Variants in ANKS1B observed in about 807,000 individuals in gnomAD.
ANKS1B encodes the protein ankyrin repeat and sterile alpha motif domain containing 1B, also known as ankyrin repeat and sterile alpha motif domain-containing protein 1B.
In ANKS1B, 36 loss-of-function variants were observed where a neutral mutation model predicts 148.3. That is an observed-to-expected ratio of 0.24 (90% confidence interval 0.19 to 0.32). The LOEUF (loss-of-function observed/expected upper bound fraction) is 0.32, where lower values mean the gene tolerates loss of function less well. Among genes scored for constraint, ANKS1B ranks in the 10% least tolerant of loss-of-function variants. ANKS1B has a pLI of 1.00. For synonymous variants in ANKS1B, 542 were observed against 560.8 expected, an observed-to-expected ratio of 0.97 and a Z score of 0.47; for missense variants, 1,157 against 1,542.6, an observed-to-expected ratio of 0.75 and a Z score of 4.19.
At chr12:99,471,502 T>C (rs770389927) in intron 10 of ANKS1B, among the ~76,000 whole-genome samples, 13 of 152,110 alleles carry the variant, frequency 8.5e-5, no homozygotes, top group Non-Finnish European at 1.8e-4. Context: ...TAATTACTTA[T>C]GCTCAACATC....
chr12:99,490,405 A>C (rs1423259848), intron 10 of ANKS1B, among the ~76,000 whole-genome samples: 1 of 152,270 alleles, frequency 6.6e-6, no homozygotes, highest in East Asian at 1.9e-4. Flanking sequence ...CTGATGATAA[A>C]TGTGATGAAA....
intron 14 of ANKS1B, among the ~76,000 whole-genome samples, chr12:99,243,595 C>T (rs1188839031): frequency 6.6e-6 from 1 of 152,290 alleles, no homozygotes; most frequent in East Asian, 1.9e-4. Flanking sequence ...TATTGTGGCA[C>T]TATTCACAAT....
intron 17 of ANKS1B, among the ~76,000 whole-genome samples, chr12:98,950,266 G>A (rs775898907): frequency 6.6e-6 from 1 of 152,180 alleles, no homozygotes; most frequent in Admixed American, 6.5e-5. Flanking sequence ...GGAGGCCAAG[G>A]TGGGCAGATC....
intron 1 of ANKS1B, among the ~76,000 whole-genome samples, chr12:99,979,813 T>C (rs2095671878): frequency 6.6e-6 from 1 of 152,082 alleles, no homozygotes; most frequent in African/African-American, 2.4e-5. Flanking sequence ...AATAGCTGAT[T>C]GTCATTGCGT....
At chr12:99,452,303 T>C (rs2095756364) in intron 10 of ANKS1B, among the ~76,000 whole-genome samples, 1 of 152,190 alleles carries the variant, frequency 6.6e-6, no homozygotes, top group Non-Finnish European at 1.5e-5. Context: ...TATGGAAATG[T>C]TTTCCCTTTT....
At chr12:99,835,945 G>A (rs1225344831) in intron 1 of ANKS1B, among the ~76,000 whole-genome samples, 2 of 152,060 alleles carry the variant, frequency 1.3e-5, no homozygotes, top group Non-Finnish European at 2.9e-5. Context: ...ATTAATAAAA[G>A]TTGATGAAAA....
intron 8 of ANKS1B, among the ~76,000 whole-genome samples, chr12:99,768,239 G>T (rs897161411): frequency 6.6e-6 from 1 of 152,086 alleles, no homozygotes; most frequent in Non-Finnish European, 1.5e-5. Flanking sequence ...AATTTTAACT[G>T]AACCCAAATG....
chr12:99,056,283 C>T (rs1044826791), intron 16 of ANKS1B, among the ~76,000 whole-genome samples: 3 of 152,138 alleles, frequency 2.0e-5, no homozygotes, highest in Non-Finnish European at 4.4e-5. Context: ...GAGAGGAAAC[C>T]ATTAGAGCCA....
chr12:98,747,758 G>T (rs141083950), intron 26 of ANKS1B, among the ~76,000 whole-genome samples: 1 of 152,194 alleles, frequency 6.6e-6, no homozygotes, highest in Non-Finnish European at 1.5e-5. Context: ...TATACACAAC[G>T]GAATACTATT....
intron 12 of ANKS1B, among the ~76,000 whole-genome samples, chr12:99,285,318 T>C (rs1264527594): frequency 1.3e-5 from 2 of 152,268 alleles, no homozygotes; most frequent in Non-Finnish European, 2.9e-5. Flanking sequence ...TGCCAAATAG[T>C]GTTCCATTGT....
chr12:99,920,990 A>T (rs1359262244), intron 1 of ANKS1B, among the ~76,000 whole-genome samples: 1 of 152,194 alleles, frequency 6.6e-6, no homozygotes, highest in Non-Finnish European at 1.5e-5. Flanking sequence ...GTCAAGTTTG[A>T]CACATAAAAT....
intron 12 of ANKS1B, among the ~76,000 whole-genome samples, chr12:99,399,245 T>C (rs561625441): frequency 8.5e-5 from 13 of 152,256 alleles, no homozygotes; most frequent in African/African-American, 1.4e-4. Context: ...CTAGGCCACA[T>C]TGTACAATTC....
At position 99,106,099 on chromosome 12, in the gene ANKS1B, G is replaced by C. The variant is rs189530866; in HGVS notation, c.2527-21076C>G. Among the ~76,000 whole-genome samples, 10 of 152,274 alleles carry C rather than the reference G, an allele frequency of 6.6e-5. 1 individual carries two copies. In the East Asian group the frequency reaches 1.9e-3, roughly 29 times the overall value. ...GATCCTTTACTAGGGATCTCTGCAA[G>C]GGCTCAGATCTCTACTTCAATAGAA... On this transcript the variant is annotated intron_variant, in intron 15 of 26. Transcript: ENST00000683438.
At chr12:99,258,445 C>G (rs1324339352) in intron 12 of ANKS1B, among the ~76,000 whole-genome samples, 1 of 151,562 alleles carries the variant, frequency 6.6e-6, no homozygotes, top group African/African-American at 2.4e-5. Context: ...AAAAAGCATG[C>G]AAAATAATCA....
chr12:99,373,552 C>T (rs997949818), intron 12 of ANKS1B, among the ~76,000 whole-genome samples: 9 of 152,066 alleles, frequency 5.9e-5, no homozygotes, highest in African/African-American at 2.2e-4. Context: ...TTTAACTGAA[C>T]AACACAAAGG....
intron 8 of ANKS1B, among the ~76,000 whole-genome samples, chr12:99,667,208 G>A (rs542579882): frequency 9.2e-5 from 14 of 151,992 alleles, no homozygotes; most frequent in African/African-American, 2.7e-4. Flanking sequence ...GTTTAGCCAG[G>A]TGTGGTGGCA....
At chr12:99,801,599 T>C (rs2066960687) in intron 4 of ANKS1B, among the ~76,000 whole-genome samples, 1 of 152,132 alleles carries the variant, frequency 6.6e-6, no homozygotes, top group African/African-American at 2.4e-5. Context: ...AAACAAGCTT[T>C]TCTAACTACG....
At position 99,984,361 on chromosome 12, in the gene ANKS1B, C is replaced by T. The variant is rs908170323; in HGVS notation, c.-124G>A. On this transcript the variant is annotated 5_prime_UTR_variant, in exon 1 of 27. In the 5' UTR this introduces an upstream ATG that the reference lacks. Transcript: ENST00000683438. ...CTAAAATAATGCAAGAGCTTCAGCACGGAGAGCTCCCTGCAGCCCCAGGCA... is the reference window on the plus strand; with the variant it reads ...CTAAAATAATGCAAGAGCTTCAGCATGGAGAGCTCCCTGCAGCCCCAGGCA... The T allele has an allele frequency of 4.7e-4, 219 of 467,104 alleles. No individual in the cohort carries two copies. Among genetic ancestry groups the T allele is most frequent in the Middle Eastern group, 8.0e-4 (1 of 1,246 alleles). 28.9% of individuals were successfully genotyped at this position (467,104 alleles called of 1,614,324 possible).
At chr12:99,641,980 T>C (rs2098312518) in intron 9 of ANKS1B, among the ~76,000 whole-genome samples, 1 of 152,154 alleles carries the variant, frequency 6.6e-6, no homozygotes, top group Non-Finnish European at 1.5e-5. Flanking sequence ...TCCATAGAAT[T>C]ACTGTGAAAT....
Sources: allele counts gnomAD v4.1 joint callset (sites outside exome capture counted in the v4.1 genomes callset), GRCh38; gene constraint gnomAD v4.1.1; transcripts MANE v1.5; gene names NCBI Gene and HGNC (gene_info 2026-07-23, HGNC 2026-07-21).